The following TMOD2 variants were observed in gnomAD, a reference collection of about 807,000 sequenced individuals.
The protein encoded by TMOD2 is tropomodulin-2.
TMOD2 carries 22 observed loss-of-function variants against 39.9 expected under a neutral mutation model. The observed-to-expected ratio is 0.55, with a 90% CI of 0.39 to 0.79. The LOEUF (loss-of-function observed/expected upper bound fraction) is 0.79, where lower values mean the gene tolerates loss of function less well. Among genes scored for constraint, TMOD2 ranks in the 30% least tolerant of loss-of-function variants. The probability of loss-of-function intolerance (pLI) is 0.00; values close to 1 mark genes in which losing one functional copy is unlikely to be tolerated. For synonymous variants in TMOD2, 123 were observed against 146.1 expected, an observed-to-expected ratio of 0.84 and a Z score of 1.14; for missense variants, 386 against 413.3, an observed-to-expected ratio of 0.93 and a Z score of 0.57.
intron 5 of TMOD2, 38 bp from the exon 6 acceptor site, chr15:51,781,006 A>G: frequency 1.7e-5 from 27 of 1,553,170 alleles, no homozygotes; most frequent in Non-Finnish European, 2.3e-5. Flanking sequence ...TTGATAGGAG[A>G]GACTTTGCAT....
chr15:51,790,399 C>T (rs1446274847), intron 7 of TMOD2, among the ~76,000 whole-genome samples: 1 of 151,884 alleles, frequency 6.6e-6, no homozygotes, highest in Non-Finnish European at 1.5e-5. Context: ...AGGACCAGAC[C>T]GATTTACAGC....
intron 1 of TMOD2, among the ~76,000 whole-genome samples, chr15:51,755,327 TC>T (rs2055734717): frequency 6.6e-6 from 1 of 152,216 alleles, no homozygotes; most frequent in Non-Finnish European, 1.5e-5. Context: ...AGCTGTGATT[TC>T]TTGCTATTTC....
rs1429980445 is a variant in TMOD2 at position 51,810,301 on chromosome 15, GAATTAT to G, written c.*1849_*1854del. 6.6e-6 allele frequency: 1 copy of G among 152,026 alleles called. No individual in the cohort carries two copies. Among genetic ancestry groups the G allele is most frequent in the Non-Finnish European group, 1.5e-5 (1 of 68,012 alleles). The allele number at this position is 152,026 out of a possible 1,614,324, so 9.4% of individuals were successfully genotyped here. ...AAATGATGTGCACTTACAACTGAAT[GAATTAT>G]ATTAAGGACAGAAGTAACAAATACT... On this transcript the variant is annotated 3_prime_UTR_variant, in exon 10 of 10. Transcript: ENST00000249700.
chr15:51,812,359 G>A lies in TMOD2; in HGVS notation c.*3905G>A, dbSNP rs868277766. The A allele has an allele frequency of 9.2e-5, 14 of 152,170 alleles. No individual in the cohort carries two copies. The highest frequency in any genetic ancestry group is 3.3e-4 in the Admixed American group (5 of 15,290). The allele number at this position is 152,170 out of a possible 1,614,324, so 9.4% of individuals were successfully genotyped here. A position where few individuals can be genotyped will look rare whatever the true frequency, so the allele number is the denominator to read the frequency against. ...AGCATTAGGGAAACCAATGTCCTCCGAATAGCTGCCATGAGAACATTTCAG... is the reference window on the plus strand; with the variant it reads ...AGCATTAGGGAAACCAATGTCCTCCAAATAGCTGCCATGAGAACATTTCAG... On this transcript the variant is annotated 3_prime_UTR_variant, in exon 10 of 10. Coordinates refer to ENST00000249700, the MANE Select transcript of TMOD2 (RefSeq NM_014548.4).
At chr15:51,780,889 C>T (rs2055925067) in intron 5 of TMOD2, among the ~76,000 whole-genome samples, 155 bp from the exon 6 acceptor site, 1 of 152,216 alleles carries the variant, frequency 6.6e-6, no homozygotes, top group Non-Finnish European at 1.5e-5. Flanking sequence ...AGCTATACCA[C>T]TCCCATGCTT....
chr15:51,782,812 A>G lies in TMOD2; in HGVS notation c.716A>G (p.Asn239Ser), dbSNP rs1595870747. The G allele has an allele frequency of 2.5e-6, 4 of 1,614,048 alleles. No individual in the cohort carries two copies. The highest frequency in any genetic ancestry group is 4.5e-5 in the East Asian group (2 of 44,880). ...KKFSLAATRS[N>S]DPVAIAFADM... is the part of the protein sequence containing the mutation. The stretch of plus-strand genomic sequence containing the variant: ...TTCAGCCTGGCCGCAACTCGCAGCA[A>G]TGACCCTGTGGCCATTGTGAGTAAA... Residue 239 changes from asparagine (N) to serine (S), a missense_variant, in exon 7 of 10, where the codon AAT becomes AGT. By Grantham distance (46) the Asn-to-Ser change is conservative. Coordinates refer to ENST00000249700, the MANE Select transcript of TMOD2 (RefSeq NM_014548.4).
chr15:51,801,280 CACA>C (rs1567247755), intron 8 of TMOD2, among the ~76,000 whole-genome samples: 2 of 139,396 alleles, frequency 1.4e-5, no homozygotes, highest in Admixed American at 7.6e-5. Context: ...CACACACACA[CACA>C]CCCTGTCTCT....
chr15:51,801,169 A>G (rs964710241), intron 8 of TMOD2, among the ~76,000 whole-genome samples: 9 of 149,334 alleles, frequency 6.0e-5, no homozygotes, highest in African/African-American at 2.2e-4. Context: ...GTGTCACTGC[A>G]TTCCACCTTG....
intron 1 of TMOD2, chr15:51,756,234 G>A (rs1393680909): frequency 6.6e-6 from 1 of 152,202 alleles, no homozygotes; most frequent in African/African-American, 2.4e-5. Context: ...AGCTTGGCTA[G>A]CTTACACTAT....
chr15:51,783,231 C>A, intron 7 of TMOD2: 1 of 179,106 alleles, frequency 5.6e-6, no homozygotes, highest in South Asian at 1.0e-4. Context: ...TGCCTGTAAT[C>A]CCAGCACTTT....
chr15:51,780,218 C>T (rs117447847), intron 5 of TMOD2, among the ~76,000 whole-genome samples: 5,153 of 152,222 alleles, frequency 0.034, 111 homozygotes, highest in Non-Finnish European at 0.052. Flanking sequence ...TCTTAAATTG[C>T]AATAGATAAT....
chr15:51,795,902 AC>A (rs1275983028), intron 7 of TMOD2, among the ~76,000 whole-genome samples: 1 of 54,506 alleles, frequency 1.8e-5, no homozygotes, highest in Non-Finnish European at 3.3e-5. Flanking sequence ...GCCGCCCCCC[AC>A]CCCCCACCCG....
At chr15:51,783,927 C>T (rs1237712017) in intron 7 of TMOD2, 1 of 152,154 alleles carries the variant, frequency 6.6e-6, no homozygotes, top group Non-Finnish European at 1.5e-5. Context: ...TATCAATAGC[C>T]AATTAGTAAC....
In TMOD2 at chr15:51,751,614, CCCCGGCCACGGCGCCGCCCCTGTTCT is replaced by C. The variant is rs1301510172; in HGVS notation, c.-160_-135del. 9.2e-6 allele frequency: 2 copies of C among 217,428 alleles called. No homozygotes were observed. The highest frequency in any genetic ancestry group is 9.9e-5 in the East Asian group (1 of 10,054). 13.5% of individuals were successfully genotyped at this position (217,428 alleles called of 1,614,324 possible). On this transcript the variant is annotated 5_prime_UTR_variant, in exon 1 of 10. Transcript: ENST00000249700. ...AGCCGCCTGTTGATCGCCGCGCTCGCCCCGGCCACGGCGCCGCCCCTGTTCTCCCGGCCCCGCTCCACCGGGGCTGA... is the reference window on the plus strand; with the variant it reads ...AGCCGCCTGTTGATCGCCGCGCTCGCCCCGGCCCCGCTCCACCGGGGCTGA...
At chr15:51,774,613 T>A (rs2055875127) in intron 4 of TMOD2, among the ~76,000 whole-genome samples, 1 of 152,194 alleles carries the variant, frequency 6.6e-6, no homozygotes, top group Admixed American at 6.5e-5. Flanking sequence ...CCACCCCAAC[T>A]GCATTTTCAT....
At chr15:51,787,689 G>A (rs932615597) in intron 7 of TMOD2, among the ~76,000 whole-genome samples, 1 of 152,200 alleles carries the variant, frequency 6.6e-6, no homozygotes, top group Non-Finnish European at 1.5e-5. Flanking sequence ...CTCTTCTGCA[G>A]CCTCTGCTGG....
intron 7 of TMOD2, among the ~76,000 whole-genome samples, chr15:51,787,389 T>C (rs1226447075): frequency 1.3e-5 from 2 of 152,258 alleles, no homozygotes; most frequent in Non-Finnish European, 2.9e-5. Flanking sequence ...CAGGAAGGCC[T>C]ACTGCCTCTC....
chr15:51,783,575 GT>G (rs1481260794), intron 7 of TMOD2: 4 of 152,044 alleles, frequency 2.6e-5, no homozygotes, highest in African/African-American at 9.7e-5. Flanking sequence ...GAAACATTCT[GT>G]GTTTGACACC....
chr15:51,804,864 C>T (rs567768534), intron 8 of TMOD2, among the ~76,000 whole-genome samples: 25 of 152,232 alleles, frequency 1.6e-4, no homozygotes, highest in African/African-American at 3.9e-4. Flanking sequence ...TGAGCCACTG[C>T]GCCTAGCCTT....
Sources: allele counts gnomAD v4.1 joint callset (sites outside exome capture counted in the v4.1 genomes callset), GRCh38; gene constraint gnomAD v4.1.1; transcripts MANE v1.5; gene names NCBI Gene and HGNC (gene_info 2026-07-23, HGNC 2026-07-21).